Variants in AUTS2 observed in about 807,000 individuals in gnomAD.
AUTS2 encodes activator of transcription and developmental regulator AUTS2.
In AUTS2, 17 loss-of-function variants were observed where a neutral mutation model predicts 112.4. The ratio of observed to expected loss-of-function variants is 0.15; its 90% confidence interval spans 0.10 to 0.23. The LOEUF (loss-of-function observed/expected upper bound fraction) is 0.23. Among genes scored for constraint, AUTS2 ranks in the 10% least tolerant of loss-of-function variants. The pLI is 1.00. For synonymous variants in AUTS2, 751 were observed against 702.7 expected (o/e 1.07, Z -1.09); for missense variants, 1,510 against 1,701.6 (o/e 0.89, Z 1.98).
chr7:69,910,420 A>G (rs1319313202), intron 2 of AUTS2, among the ~76,000 whole-genome samples: 2 of 152,122 alleles, frequency 1.3e-5, no homozygotes, highest in Admixed American at 6.5e-5. Flanking sequence ...GTGGGTGAGT[A>G]TATTAGTTCT....
intron 2 of AUTS2, among the ~76,000 whole-genome samples, chr7:69,965,423 A>G (rs991822520): frequency 5.3e-5 from 8 of 152,146 alleles, no homozygotes; most frequent in African/African-American, 1.9e-4. Flanking sequence ...CTTGCTCTCA[A>G]GAGACCTCTA....
intron 5 of AUTS2, among the ~76,000 whole-genome samples, chr7:70,459,412 C>G (rs1486899973): frequency 6.6e-6 from 1 of 152,170 alleles, no homozygotes; most frequent in African/African-American, 2.4e-5. Flanking sequence ...GAGTGTGTTT[C>G]TCTCCAAAGT....
intron 5 of AUTS2, among the ~76,000 whole-genome samples, chr7:70,442,679 G>C (rs1796167491): frequency 6.6e-6 from 1 of 151,990 alleles, no homozygotes. Flanking sequence ...GTAGAGACAG[G>C]GTTTCACCAT....
At chr7:70,082,775 G>T (rs1268173274) in intron 2 of AUTS2, among the ~76,000 whole-genome samples, 1 of 152,016 alleles carries the variant, frequency 6.6e-6, no homozygotes, top group African/African-American at 2.4e-5. Flanking sequence ...GTACCTTCTT[G>T]CCTCCTATTC....
chr7:70,461,160 A>G (rs1483269233), intron 5 of AUTS2, among the ~76,000 whole-genome samples: 1 of 152,144 alleles, frequency 6.6e-6, no homozygotes, highest in Non-Finnish European at 1.5e-5. Context: ...AGAGTGTTGG[A>G]AAAGTCACCC....
Position 69,599,585 on chromosome 7 carries a change from A to T in AUTS2, c.-69A>T. 3 of 1,215,520 alleles carry T rather than the reference A, an allele frequency of 2.5e-6. No homozygotes were observed. Among genetic ancestry groups the T allele is most frequent in the South Asian group, 3.9e-5 (1 of 25,738 alleles). The allele number at this position is 1,215,520 out of a possible 1,614,324, so 75.3% of individuals were successfully genotyped here. ...AAGGGGGAGGGAGGGCTCGGTGTCA[A>T]TTTTTTTTTGTGTGGCTGCGGCCGT... On this transcript the variant is annotated 5_prime_UTR_variant, in exon 1 of 19. Coordinates refer to ENST00000342771, the MANE Select transcript of AUTS2 (RefSeq NM_015570.4). The surrounding 1 kb of genome is among the most constrained non-coding windows in gnomAD (Gnocchi z 7.0).
chr7:70,167,122 A>T (rs749285253), intron 4 of AUTS2, among the ~76,000 whole-genome samples: 1 of 152,206 alleles, frequency 6.6e-6, no homozygotes, highest in Non-Finnish European at 1.5e-5. Flanking sequence ...GCTACTCTGG[A>T]GGCTGAGGCA....
chr7:70,078,604 G>A (rs1285294271), intron 2 of AUTS2, among the ~76,000 whole-genome samples: 1 of 152,142 alleles, frequency 6.6e-6, no homozygotes, highest in Non-Finnish European at 1.5e-5. Context: ...CTTTCTTGCT[G>A]TGTTTTATTA....
At chr7:69,688,427 G>A (rs939315010) in intron 1 of AUTS2, among the ~76,000 whole-genome samples, 4 of 152,214 alleles carry the variant, frequency 2.6e-5, no homozygotes, top group Admixed American at 6.5e-5. Context: ...TGTTCACAGA[G>A]TACAGGCTGT....
intron 2 of AUTS2, among the ~76,000 whole-genome samples, chr7:70,084,598 T>C (rs1252255434): frequency 1.3e-5 from 2 of 152,224 alleles, no homozygotes; most frequent in African/African-American, 4.8e-5. Flanking sequence ...TGCTATCTCA[T>C]TGTGGTCTTG....
chr7:69,872,815 A>G (rs977426716), intron 1 of AUTS2, among the ~76,000 whole-genome samples: 3 of 139,126 alleles, frequency 2.2e-5, no homozygotes, highest in Non-Finnish European at 4.6e-5. Context: ...TTGAGGTGGC[A>G]CTTGATGTAG....
chr7:70,413,955 A>T (rs181555686), intron 4 of AUTS2, among the ~76,000 whole-genome samples: 112 of 152,250 alleles, frequency 7.4e-4, no homozygotes, highest in African/African-American at 2.6e-3. Context: ...GATTACAGGC[A>T]TGAGCCACCA....
chr7:69,728,958 AAATCCTTT>A (rs1786654121), intron 1 of AUTS2, among the ~76,000 whole-genome samples: 1 of 152,164 alleles, frequency 6.6e-6, no homozygotes, highest in Non-Finnish European at 1.5e-5. Flanking sequence ...ACAGCATGGA[AAATCCTTT>A]AGTGAGCTAG....
At chr7:70,208,826 A>G (rs1364089662) in intron 4 of AUTS2, among the ~76,000 whole-genome samples, 2 of 151,870 alleles carry the variant, frequency 1.3e-5, no homozygotes, top group African/African-American at 4.8e-5. Context: ...TACACTAACA[A>G]TCTTGGTGTG....
chr7:69,911,256 C>A (rs1419832266), intron 2 of AUTS2, among the ~76,000 whole-genome samples: 2 of 152,150 alleles, frequency 1.3e-5, no homozygotes, highest in Non-Finnish European at 2.9e-5. Context: ...ACTGTGGGCA[C>A]CCCTGTCTGG....
chr7:69,726,035 C>CT (rs980216809), intron 1 of AUTS2, among the ~76,000 whole-genome samples: 1 of 151,832 alleles, frequency 6.6e-6, no homozygotes, highest in African/African-American at 2.4e-5. Context: ...ACCTGGGGAT[C>CT]TTTTTTTTAG....
At chr7:70,619,277 GA>G (rs1424586914) in intron 5 of AUTS2, among the ~76,000 whole-genome samples, 1 of 152,198 alleles carries the variant, frequency 6.6e-6, no homozygotes, top group East Asian at 1.9e-4. Context: ...CTGCCCCACT[GA>G]GCTTTGTATC....
intron 4 of AUTS2, among the ~76,000 whole-genome samples, chr7:70,367,304 C>T (rs1792620795): frequency 6.6e-6 from 1 of 151,694 alleles, no homozygotes; most frequent in Non-Finnish European, 1.5e-5. Flanking sequence ...TGCCTGTGAT[C>T]CCAGCACTTT....
intron 11 of AUTS2, among the ~76,000 whole-genome samples, chr7:70,773,171 TC>T (rs951983482): frequency 1.3e-5 from 2 of 151,858 alleles, no homozygotes; most frequent in African/African-American, 4.8e-5. Context: ...TTCATTCTTT[TC>T]CCCCCCTTCT....
Sources: gnomAD v4.1 joint callset for allele counts (sites outside exome capture counted in the v4.1 genomes callset) on GRCh38, gnomAD v4.1.1 for gene constraint, Gnocchi (gnomAD v3.1) non-coding constraint, MANE v1.5 for transcripts, NCBI Gene and HGNC (gene_info 2026-07-23, HGNC 2026-07-21) for gene names.